The following PCDHA1 variants were observed in gnomAD, a reference collection of about 807,000 sequenced individuals.
The protein encoded by PCDHA1 is protocadherin alpha-1.
PCDHA1 carries 42 observed loss-of-function variants against 61.3 expected under a neutral mutation model. That is an observed-to-expected ratio of 0.69 (90% CI 0.54 to 0.89). PCDHA1 has a LOEUF of 0.89. Among genes scored for constraint, PCDHA1 ranks in the 40% least tolerant of loss-of-function variants. The pLI is 0.00. For synonymous variants in PCDHA1, 610 were observed against 553.8 expected (o/e 1.10, Z -1.43); for missense variants, 1,256 against 1,235.3 (o/e 1.02, Z -0.25).
intron 1 of PCDHA1, chr5:140,795,482 G>A: frequency 6.2e-7 from 1 of 1,614,146 alleles, no homozygotes; most frequent in Non-Finnish European, 8.5e-7. Flanking sequence ...TACAAGCTCA[G>A]CTCCAGTGAG....
rs537764090 is a variant in PCDHA1 at position 140,925,273 on chromosome 5, AT to A, written c.2395-53672del. Reference sequence around the variant, plus strand: ...ACTTTAATTCTTGATCTGTGTTCAGATTTTGCCTTTCAAATGTTTCATTATT... The same window carrying A: ...ACTTTAATTCTTGATCTGTGTTCAGATTTGCCTTTCAAATGTTTCATTATT... On this transcript the variant is annotated intron_variant, in intron 1 of 3. Transcript: ENST00000504120. Among the ~76,000 whole-genome samples, 1,221 of 152,228 alleles carry A rather than the reference AT, an allele frequency of 8.0e-3. 6 individuals are homozygous for A. Among genetic ancestry groups the A allele is most frequent in the African/African-American group, 0.019 (789 of 41,534 alleles).
chr5:140,887,643 T>C (rs1392264032), intron 1 of PCDHA1, among the ~76,000 whole-genome samples: 2 of 152,148 alleles, frequency 1.3e-5, no homozygotes, highest in African/African-American at 4.8e-5. Flanking sequence ...TTGGGGTTTG[T>C]TGATATTCTT....
At position 140,856,560 on chromosome 5, in the gene PCDHA1, T is replaced by G. The variant is rs782375648; in HGVS notation, c.2394+67876T>G. 94 of 1,597,798 alleles carry G rather than the reference T, an allele frequency of 5.9e-5. 1 individual carries two copies. ...GAGAACGCATTGCTTACTTACAAAC[T>G]CAGTCCAAATGAGTATTTTGTTCTT... On this transcript the variant is annotated intron_variant, in intron 1 of 3. Transcript: ENST00000504120.
intron 1 of PCDHA1, among the ~76,000 whole-genome samples, chr5:140,879,542 GA>G (rs1281717017): frequency 6.6e-6 from 1 of 152,104 alleles, no homozygotes; most frequent in African/African-American, 2.4e-5. Context: ...CTCCTTTAGA[GA>G]AAAAAATAAT....
chr5:140,851,823 GT>G, intron 1 of PCDHA1: 1 of 963,106 alleles, frequency 1.0e-6, no homozygotes, highest in Non-Finnish European at 1.3e-6. Context: ...ACAGAAATCT[GT>G]TTTTTTAAAA....
At chr5:140,829,915 G>T in intron 1 of PCDHA1, 1 of 1,614,008 alleles carries the variant, frequency 6.2e-7, no homozygotes, top group Middle Eastern at 1.7e-4. Flanking sequence ...CGTGGCTTTC[G>T]TATGAGCTGC....
chr5:140,788,658 G>A lies in PCDHA1; in HGVS notation c.2368G>A (p.Glu790Lys). The A allele has an allele frequency of 1.3e-6, 2 of 1,578,642 alleles. No individual in the cohort carries two copies. Among genetic ancestry groups the A allele is most frequent in the Non-Finnish European group, 1.7e-6 (2 of 1,162,080 alleles). The change falls in exon 1 of 4, where the codon GAA becomes AAA. Residue 790 changes from glutamate (E) to lysine (K), a missense_variant. Physicochemically the swap from Glu to Lys is moderately conservative, Grantham distance 56 (BLOSUM62 1). Transcript: ENST00000504120. ...LNTSERNEQP[E>K]ANLDLSGNPR... Reference sequence around the variant, plus strand: ...CACGTCAGAAAGAAATGAACAACCAGAAGCAAATTTGGATCTTTCTGGTAA... The same window carrying A: ...CACGTCAGAAAGAAATGAACAACCAAAAGCAAATTTGGATCTTTCTGGTAA...
At chr5:140,988,253 C>A (rs982953260) in intron 3 of PCDHA1, among the ~76,000 whole-genome samples, 1 of 152,188 alleles carries the variant, frequency 6.6e-6, no homozygotes, top group Non-Finnish European at 1.5e-5. Context: ...CAGCTCCCGC[C>A]TGTGAGTATC....
chr5:140,892,212 T>C (rs1554185117), intron 1 of PCDHA1, among the ~76,000 whole-genome samples: 5 of 152,236 alleles, frequency 3.3e-5, no homozygotes, highest in Admixed American at 2.6e-4. Context: ...TTTAAAATTG[T>C]ATCTTTATGG....
intron 1 of PCDHA1, among the ~76,000 whole-genome samples, chr5:140,921,151 AT>A (rs11299094): frequency 0.63 from 94,902 of 151,506 alleles, 30,179 homozygotes; most frequent in African/African-American, 0.71. Flanking sequence ...CAGCTAATGC[AT>A]TTTTTTTTTA....
At chr5:140,861,150 G>T (rs2046778141) in intron 1 of PCDHA1, 1 of 154,448 alleles carries the variant, frequency 6.5e-6, no homozygotes, top group Non-Finnish European at 1.4e-5. Flanking sequence ...TCAGGAACAA[G>T]GACCAAAAGG....
At chr5:140,992,271 T>C (rs1375901464) in intron 3 of PCDHA1, among the ~76,000 whole-genome samples, 1 of 152,184 alleles carries the variant, frequency 6.6e-6, no homozygotes, top group African/African-American at 2.4e-5. Flanking sequence ...GTTCTTTTCG[T>C]AGCACATCCC....
intron 1 of PCDHA1, chr5:140,928,265 A>T (rs1208273188): frequency 4.3e-6 from 7 of 1,614,188 alleles, no homozygotes; most frequent in Non-Finnish European, 4.2e-6. Flanking sequence ...GCTGAAAACA[A>T]TGGCCCTGGG....
intron 1 of PCDHA1, chr5:140,828,577 T>C: frequency 6.2e-7 from 1 of 1,614,252 alleles, no homozygotes; most frequent in Non-Finnish European, 8.5e-7. Flanking sequence ...ATGCAGATGT[T>C]GGCTCAAATT....
intron 1 of PCDHA1, among the ~76,000 whole-genome samples, chr5:140,790,922 A>T (rs1249769790): frequency 2.6e-5 from 4 of 152,214 alleles, no homozygotes; most frequent in Admixed American, 2.0e-4. Context: ...GGAGGAAAAA[A>T]TGATTGTGGA....
chr5:140,815,491 T>A (rs1385608167), intron 1 of PCDHA1: 1 of 151,984 alleles, frequency 6.6e-6, no homozygotes, highest in Non-Finnish European at 1.5e-5. Flanking sequence ...ACCCAAATTT[T>A]ATGTTATTGA....
chr5:140,823,503 G>C, intron 1 of PCDHA1: 1 of 1,613,406 alleles, frequency 6.2e-7, no homozygotes, highest in Non-Finnish European at 8.5e-7. Flanking sequence ...GCGGCGCAGT[G>C]AGCGAGCTGG....
In PCDHA1 at chr5:140,849,868, C is replaced by T. The variant is rs1554143431; in HGVS notation, c.2394+61184C>T. 16 of 1,598,490 alleles carry T rather than the reference C, an allele frequency of 1.0e-5. 1 individual carries two copies. In the Middle Eastern group the frequency reaches 6.8e-4, roughly 68 times the overall value. On this transcript the variant is annotated intron_variant, in intron 1 of 3. Transcript: ENST00000504120. ...GACAACGCACCAGCGTTCGCGCAGT[C>T]CGAGTACACGGTGTTCGTGAAGGAG...
chr5:140,996,976 G>T (rs573896136), intron 3 of PCDHA1, among the ~76,000 whole-genome samples: 1 of 151,960 alleles, frequency 6.6e-6, no homozygotes, highest in Non-Finnish European at 1.5e-5. Context: ...CTCCCCTTTG[G>T]TGAAGCAACC....
Sources: allele counts gnomAD v4.1 joint callset (sites outside exome capture counted in the v4.1 genomes callset), GRCh38; gene constraint gnomAD v4.1.1; transcripts MANE v1.5; gene names NCBI Gene and HGNC (gene_info 2026-07-23, HGNC 2026-07-21).